Variants in PRELID2 observed in about 807,000 individuals in gnomAD.
PRELID2 encodes PRELI domain containing 2.
Under a neutral mutation model 28.4 loss-of-function variants are expected in PRELID2, and 25 were observed. That is an observed-to-expected ratio of 0.88 (90% CI 0.64 to 1.23). The LOEUF (loss-of-function observed/expected upper bound fraction) is 1.23, where lower values mean the gene tolerates loss of function less well. PRELID2 is among the 50% of genes most tolerant of loss of function. The pLI is 0.00. For missense variants in PRELID2, 201 were observed against 214.4 expected, an observed-to-expected ratio of 0.94 and a Z score of 0.39; for synonymous variants, 76 against 71.6, an observed-to-expected ratio of 1.06 and a Z score of -0.31.
At chr5:145,618,976 G>A (rs1581006712) in intron 1 of PRELID2, among the ~76,000 whole-genome samples, 1 of 152,220 alleles carries the variant, frequency 6.6e-6, no homozygotes, top group Middle Eastern at 3.4e-3. Flanking sequence ...AAAGCTGGCA[G>A]TCACAGGCCT....
chr5:145,761,884 C>T (rs1757493566), intron 6 of PRELID2, among the ~76,000 whole-genome samples: 1 of 152,086 alleles, frequency 6.6e-6, no homozygotes, highest in South Asian at 2.1e-4. Flanking sequence ...CAACCACCCC[C>T]TCCATTTTCC....
intron 1 of PRELID2, among the ~76,000 whole-genome samples, chr5:145,515,773 A>G (rs895618139): frequency 6.6e-5 from 10 of 152,208 alleles, no homozygotes; most frequent in Non-Finnish European, 1.5e-4. Context: ...GCAGCAGCAC[A>G]TCAAGAAGCT....
intron 1 of PRELID2, among the ~76,000 whole-genome samples, chr5:145,594,245 A>AC (rs765860097): frequency 6.6e-6 from 1 of 152,182 alleles, no homozygotes; most frequent in Non-Finnish European, 1.5e-5. Flanking sequence ...GTGTAATAGA[A>AC]CATAGGTATG....
At chr5:145,595,656 G>C (rs965358962) in intron 1 of PRELID2, among the ~76,000 whole-genome samples, 1 of 152,040 alleles carries the variant, frequency 6.6e-6, no homozygotes, top group Admixed American at 6.6e-5. Context: ...TGGACTCTCA[G>C]GTTTTTCAAG....
intron 5 of PRELID2, among the ~76,000 whole-genome samples, chr5:145,794,084 G>A (rs1005898024): frequency 1.8e-4 from 27 of 152,046 alleles, no homozygotes; most frequent in Admixed American, 1.8e-3. Context: ...TTATTAGTGA[G>A]AATTCTATTA....
intron 1 of PRELID2, among the ~76,000 whole-genome samples, chr5:145,490,860 C>T (rs748616359): frequency 4.6e-5 from 7 of 152,122 alleles, no homozygotes; most frequent in Non-Finnish European, 7.4e-5. Context: ...TGAATAGATG[C>T]TTCCTTTGGT....
intron 1 of PRELID2, among the ~76,000 whole-genome samples, chr5:145,668,609 G>T (rs1754643691): frequency 6.6e-6 from 1 of 152,000 alleles, no homozygotes; most frequent in Admixed American, 6.6e-5. Context: ...ACAACTCTTT[G>T]TTGGGCACTG....
chr5:145,733,364 T>C (rs1259915511), intron 1 of PRELID2, among the ~76,000 whole-genome samples: 2 of 152,200 alleles, frequency 1.3e-5, no homozygotes, highest in African/African-American at 4.8e-5. Context: ...GGGATGGGAA[T>C]GGATGTGGGT....
chr5:145,553,307 C>G (rs192737586), intron 1 of PRELID2, among the ~76,000 whole-genome samples: 4 of 151,900 alleles, frequency 2.6e-5, no homozygotes, highest in African/African-American at 9.6e-5. Context: ...AGTGACAATG[C>G]AAGCCACACA....
chr5:145,819,793 G>T, intron 3 of PRELID2, 152 bp downstream of exon 3: 1 of 644,206 alleles, frequency 1.6e-6, no homozygotes, highest in Non-Finnish European at 2.8e-6. Flanking sequence ...AGTGAGGTTG[G>T]ATAAGAAAGA....
chr5:145,289,892 T>C, the PRELID2 span, among the ~76,000 whole-genome samples: 1 of 152,222 alleles, frequency 6.6e-6, no homozygotes, highest in Non-Finnish European at 1.5e-5. Context: ...TTGGCATTTG[T>C]ATATGTTTTT....
At chr5:145,335,145 C>A in the PRELID2 span, among the ~76,000 whole-genome samples, 2 of 151,714 alleles carry the variant, frequency 1.3e-5, no homozygotes, top group African/African-American at 4.8e-5. Context: ...CATAAACTGT[C>A]TTCACCTTCC....
the PRELID2 span, among the ~76,000 whole-genome samples, chr5:145,299,542 C>A: frequency 2.6e-5 from 4 of 151,912 alleles, no homozygotes; most frequent in African/African-American, 9.7e-5. Flanking sequence ...TGTTTCTCTG[C>A]ACTGTGTATG....
At chr5:145,435,034 C>A in the PRELID2 span, among the ~76,000 whole-genome samples, 1 of 152,160 alleles carries the variant, frequency 6.6e-6, no homozygotes, top group African/African-American at 2.4e-5. Flanking sequence ...CAAAGTTATT[C>A]TAATTAAATA....
At chr5:145,520,148 C>T (rs533338712) in intron 1 of PRELID2, among the ~76,000 whole-genome samples, 58 of 152,194 alleles carry the variant, frequency 3.8e-4, no homozygotes, top group African/African-American at 1.3e-3. Flanking sequence ...GAACATTTTC[C>T]CGCTAAACCA....
At chr5:145,643,490 G>T (rs6875244) in intron 1 of PRELID2, among the ~76,000 whole-genome samples, 123,619 of 152,134 alleles carry the variant, frequency 0.81, 50,682 homozygotes, top group African/African-American at 0.92. Flanking sequence ...TTTTCCTATT[G>T]GAATACCTTT....
intron 1 of PRELID2, among the ~76,000 whole-genome samples, chr5:145,727,210 G>A (rs1391935110): frequency 1.3e-5 from 2 of 152,180 alleles, no homozygotes; most frequent in East Asian, 1.9e-4. Flanking sequence ...AGGAGACTGG[G>A]AGGGCTAGAA....
chr5:145,793,657 G>A (rs996998576), intron 5 of PRELID2, among the ~76,000 whole-genome samples: 1 of 152,030 alleles, frequency 6.6e-6, no homozygotes, highest in Non-Finnish European at 1.5e-5. Flanking sequence ...GAATAAAAAG[G>A]AATCACTTTA....
At chr5:145,284,594 T>C in the PRELID2 span, among the ~76,000 whole-genome samples, 13 of 152,286 alleles carry the variant, frequency 8.5e-5, no homozygotes, top group African/African-American at 2.9e-4. Context: ...AGGAATCCTA[T>C]TCTTCAACTT....
Sources: allele counts gnomAD v4.1 joint callset (sites outside exome capture counted in the v4.1 genomes callset), GRCh38; gene constraint gnomAD v4.1.1; transcripts MANE v1.5; gene names NCBI Gene and HGNC (gene_info 2026-07-23, HGNC 2026-07-21).